AKAP12: variants seen among roughly 807,000 people sequenced by gnomAD.
AKAP12 encodes the protein A-kinase anchoring protein 12.
A neutral mutation model predicts 79.9 loss-of-function variants in AKAP12; 32 were observed. The observed-to-expected ratio is 0.40, with a 90% CI of 0.30 to 0.54. AKAP12 has a LOEUF of 0.54. Among genes scored for constraint, AKAP12 ranks in the 20% least tolerant of loss-of-function variants. The probability of loss-of-function intolerance (pLI) is 0.48; values close to 1 mark genes in which losing one functional copy is unlikely to be tolerated. For synonymous variants in AKAP12, 808 were observed against 857.0 expected, an observed-to-expected ratio of 0.94 and a Z score of 1.00; for missense variants, 2,074 against 2,177.0, an observed-to-expected ratio of 0.95 and a Z score of 0.94.
At chr6:151,267,048 A>G (rs1437412304) in intron 2 of AKAP12, among the ~76,000 whole-genome samples, 2 of 150,488 alleles carry the variant, frequency 1.3e-5, no homozygotes, top group African/African-American at 4.9e-5. Flanking sequence ...AAAGGAGAAC[A>G]TGAAAATCAC....
rs200925112 is a variant in AKAP12, at chr6:151,351,779, A to G, written c.3388A>G (p.Ile1130Val). The G allele has an allele frequency of 1.7e-4, 276 of 1,614,216 alleles. 1 individual carries two copies. The highest frequency in any genetic ancestry group is 1.0e-3 in the Admixed American group (62 of 60,022). Residue 1130 changes from isoleucine (I) to valine (V), a missense_variant, in exon 4 of 5, where the codon ATA becomes GTA. Transcript: ENST00000402676. This position sits in a 1 kb window ranked among gnomAD's most constrained non-coding sequence, Gnocchi z 4.4. ...FEKAPQVTES[I>V]ESSELVTTCQ... ...AAAAGCTCCTCAAGTCACAGAGAGCATAGAGTCCAGTGAGCTTGTAACCAC... is the reference window on the plus strand; with the variant it reads ...AAAAGCTCCTCAAGTCACAGAGAGCGTAGAGTCCAGTGAGCTTGTAACCAC...
At chr6:151,276,445 T>G (rs899636642) in intron 2 of AKAP12, among the ~76,000 whole-genome samples, 9 of 152,246 alleles carry the variant, frequency 5.9e-5, no homozygotes, top group Admixed American at 5.9e-4. Context: ...CATCAGACAT[T>G]TGCTCTACCC....
chr6:151,290,155 A>T (rs1289431473), intron 2 of AKAP12, among the ~76,000 whole-genome samples: 1 of 152,184 alleles, frequency 6.6e-6, no homozygotes, highest in Non-Finnish European at 1.5e-5. Context: ...TCTGGCACCT[A>T]TTAATGCTTA....
intron 2 of AKAP12, among the ~76,000 whole-genome samples, chr6:151,263,373 G>C (rs1027444698): frequency 6.6e-6 from 1 of 152,070 alleles, no homozygotes; most frequent in Non-Finnish European, 1.5e-5. Flanking sequence ...GATTTTGTGA[G>C]AGTCTAGGTA....
chr6:151,308,824 A>G (rs1777030193), intron 3 of AKAP12, among the ~76,000 whole-genome samples: 1 of 152,070 alleles, frequency 6.6e-6, no homozygotes, highest in Non-Finnish European at 1.5e-5. Context: ...TTAACTTATT[A>G]AACAGCATTT....
chr6:151,343,244 C>G (rs1347755962), intron 3 of AKAP12, among the ~76,000 whole-genome samples: 2 of 152,120 alleles, frequency 1.3e-5, no homozygotes, highest in African/African-American at 2.4e-5. Context: ...CTTTCTACTC[C>G]TATATTAGCA....
intron 3 of AKAP12, among the ~76,000 whole-genome samples, chr6:151,309,683 G>T (rs890855571): frequency 1.3e-5 from 2 of 152,046 alleles, no homozygotes; most frequent in Non-Finnish European, 2.9e-5. Flanking sequence ...TTGGGGAGGG[G>T]GCTTGATTAT....
At chr6:151,334,785 C>G (rs1426383575) in intron 3 of AKAP12, among the ~76,000 whole-genome samples, 1 of 150,816 alleles carries the variant, frequency 6.6e-6, no homozygotes, top group Non-Finnish European at 1.5e-5. Context: ...CCATGTTCGG[C>G]TGATTTTTTG....
chr6:151,256,772 T>TCATCCTC (rs1797306792), intron 2 of AKAP12, among the ~76,000 whole-genome samples: 1 of 151,314 alleles, frequency 6.6e-6, no homozygotes, highest in Non-Finnish European at 1.5e-5. Flanking sequence ...GCCTCATCCT[T>TCATCCTC]TCAAGTATCT....
In AKAP12 at chr6:151,352,913, C is replaced by G; in HGVS notation, c.4522C>G (p.Leu1508Val). ...SDLEGEKTTSLKWKSDEVDEQ... is the reference protein window; with the variant it reads ...SDLEGEKTTSVKWKSDEVDEQ... ...CCTGGAAGGAGAGAAAACCACATCA[C>G]TGAAGTGGAAGTCAGATGAAGTCGA... is the stretch of plus-strand genomic sequence containing the variant. Residue 1508 changes from leucine (L) to valine (V), a missense_variant, in exon 4 of 5, where the codon CTG (leucine) becomes GTG (valine). Physicochemically the swap from Leu to Val is conservative, Grantham distance 32 (BLOSUM62 1). This residue lies in a region of AKAP12 where 614 missense variants were observed against 665.6 expected (regional missense o/e 0.92). Coordinates refer to ENST00000402676, the MANE Select transcript of AKAP12 (RefSeq NM_005100.4). 1 of 1,614,148 alleles carries G rather than the reference C, an allele frequency of 6.2e-7. No individual in the cohort carries two copies. The highest frequency in any genetic ancestry group is 8.5e-7 in the Non-Finnish European group (1 of 1,180,034).
At position 151,295,029 on chromosome 6, in the gene AKAP12, C is replaced by T. The variant is rs567469564; in HGVS notation, c.163-10718C>T. Among the ~76,000 whole-genome samples, 327 of 152,264 alleles carry T rather than the reference C, an allele frequency of 2.1e-3. 1 individual carries two copies. The highest frequency in any genetic ancestry group is 7.7e-3 in the African/African-American group (320 of 41,552). On this transcript the variant is annotated intron_variant, in intron 2 of 4. Transcript: ENST00000402676. The stretch of plus-strand genomic sequence containing the variant: ...TCTGCGTCAGAGTTTCCCAAGCTAA[C>T]CTGGAGCACAGAACACTTCTGAGAT...
chr6:151,315,392 T>C (rs1777211702), intron 3 of AKAP12, among the ~76,000 whole-genome samples: 1 of 152,200 alleles, frequency 6.6e-6, no homozygotes, highest in Non-Finnish European at 1.5e-5. Context: ...AAGCCTCTTA[T>C]ATGAGGGCAC....
At chr6:151,301,445 A>C (rs1006378252) in intron 2 of AKAP12, among the ~76,000 whole-genome samples, 1 of 152,184 alleles carries the variant, frequency 6.6e-6, no homozygotes, top group African/African-American at 2.4e-5. Context: ...GATTTCCTCT[A>C]TTTGAGGTGA....
At chr6:151,246,927 GACT>G (rs1302258340) in intron 2 of AKAP12, among the ~76,000 whole-genome samples, 1 of 151,882 alleles carries the variant, frequency 6.6e-6, no homozygotes, top group Non-Finnish European at 1.5e-5. Context: ...AGGTAGCTGG[GACT>G]ACAAGTGCAC....
At chr6:151,311,065 A>G (rs1250322758) in intron 3 of AKAP12, among the ~76,000 whole-genome samples, 1 of 152,174 alleles carries the variant, frequency 6.6e-6, no homozygotes, top group Non-Finnish European at 1.5e-5. Flanking sequence ...ACTTCTGGGC[A>G]CATGTGATCC....
At chr6:151,242,554 A>C (rs1796998604) in intron 2 of AKAP12, among the ~76,000 whole-genome samples, 3 of 152,210 alleles carry the variant, frequency 2.0e-5, no homozygotes, top group Admixed American at 6.5e-5. Context: ...GAACTAGCCA[A>C]ATTTATCACT....
At chr6:151,283,711 A>T (rs1298359159) in intron 2 of AKAP12, among the ~76,000 whole-genome samples, 1 of 152,244 alleles carries the variant, frequency 6.6e-6, no homozygotes, top group Admixed American at 6.5e-5. Flanking sequence ...GGAGAGACAG[A>T]GACAGAATTC....
chr6:151,343,535 G>A lies in AKAP12; in HGVS notation c.320-5176G>A, dbSNP rs554957617. 2.0e-5 allele frequency among the ~76,000 whole-genome samples: 3 copies of A among 152,320 alleles called. No individual in the cohort carries two copies. The South Asian group carries it at 6.2e-4, about 32-fold the overall frequency. On this transcript the variant is annotated intron_variant, in intron 3 of 4. Coordinates refer to ENST00000402676, the MANE Select transcript of AKAP12 (RefSeq NM_005100.4). Reference sequence around the variant, plus strand: ...ACGGTGGCTCACGCCTGTAATCACAGCACTTTGGGAGGCTGAGGCAGGCGG... The same window carrying A: ...ACGGTGGCTCACGCCTGTAATCACAACACTTTGGGAGGCTGAGGCAGGCGG...
At chr6:151,338,162 G>T (rs896286397) in intron 3 of AKAP12, among the ~76,000 whole-genome samples, 3 of 152,180 alleles carry the variant, frequency 2.0e-5, no homozygotes, top group Non-Finnish European at 4.4e-5. Context: ...GTTATTGACA[G>T]TTATCAATAT....
Sources: gnomAD v4.1 joint callset for allele counts (sites outside exome capture counted in the v4.1 genomes callset) on GRCh38, gnomAD v4.1.1 for gene constraint, gnomAD v4.1.1 regional missense constraint, Gnocchi (gnomAD v3.1) non-coding constraint, MANE v1.5 for transcripts, NCBI Gene and HGNC (gene_info 2026-07-23, HGNC 2026-07-21) for gene names.